The following DLGAP2 variants were observed in gnomAD, a reference collection of about 807,000 sequenced individuals.
DLGAP2 encodes the protein disks large-associated protein 2.
A neutral mutation model predicts 100.3 loss-of-function variants in DLGAP2; 26 were observed. The ratio of observed to expected loss-of-function variants is 0.26; its 90% CI spans 0.19 to 0.36. The LOEUF (loss-of-function observed/expected upper bound fraction) is 0.36. Among genes scored for constraint, DLGAP2 ranks in the 10% least tolerant of loss-of-function variants. DLGAP2 has a pLI of 1.00. For synonymous variants in DLGAP2, 886 were observed against 630.1 expected (o/e 1.41, Z -6.08); for missense variants, 1,858 against 1,453.2 (o/e 1.28, Z -4.53).
At chr8:1,497,286 T>G (rs544149791) in intron 3 of DLGAP2, among the ~76,000 whole-genome samples, 51 of 152,330 alleles carry the variant, frequency 3.3e-4, no homozygotes, top group African/African-American at 1.2e-3. Flanking sequence ...ACAGCACCGA[T>G]CAGCCTCACA....
chr8:862,381 C>T (rs571720910), intron 1 of DLGAP2, among the ~76,000 whole-genome samples: 66 of 151,778 alleles, frequency 4.3e-4, no homozygotes, highest in African/African-American at 1.1e-3. Context: ...CAGCTCACTG[C>T]GGCCTCCGCC....
At chr8:1,115,148 A>G (rs1378810794) in intron 2 of DLGAP2, among the ~76,000 whole-genome samples, 1 of 152,248 alleles carries the variant, frequency 6.6e-6, no homozygotes, top group Non-Finnish European at 1.5e-5. Context: ...TGTGGCAATA[A>G]GAAGAATGTG....
chr8:1,060,655 C>T (rs369782283), intron 2 of DLGAP2, among the ~76,000 whole-genome samples: 1 of 152,210 alleles, frequency 6.6e-6, no homozygotes, highest in Non-Finnish European at 1.5e-5. Flanking sequence ...CTGAAGATCC[C>T]AGTGGCCCTA....
At chr8:891,129 A>ACCCCCC (rs143905782) in intron 1 of DLGAP2, 1 of 120,130 alleles carries the variant, frequency 8.3e-6, no homozygotes, top group African/African-American at 3.1e-5. Flanking sequence ...TAAATAAGGC[A>ACCCCCC]CCCCCCCCCC....
intron 1 of DLGAP2, among the ~76,000 whole-genome samples, chr8:808,864 A>G (rs1001873629): frequency 4.0e-5 from 6 of 150,734 alleles, no homozygotes; most frequent in African/African-American, 1.5e-4. Context: ...ACCCTTAGGT[A>G]CTTAGTACCT....
rs774521379 is a variant in DLGAP2, at chr8:1,701,510, T to C, written c.*104T>C. 5.7e-6 allele frequency: 7 copies of C among 1,230,154 alleles called. 2 individuals are homozygous for C. In the South Asian group the frequency reaches 1.1e-4, roughly 19 times the overall value. 76.2% of individuals were successfully genotyped at this position (1,230,154 alleles called of 1,614,324 possible). ...CTGTCTCCTCCTCCCGCTGAACACG[T>C]CCTCGCTCCCGCGCTCCCCGCGCCC... On this transcript the variant is annotated 3_prime_UTR_variant, in exon 15 of 15. Transcript: ENST00000637795.
chr8:1,142,377 T>C (rs1585098886), intron 2 of DLGAP2, among the ~76,000 whole-genome samples: 1 of 152,204 alleles, frequency 6.6e-6, no homozygotes. Context: ...GTTGATAGGC[T>C]TAGCATATCC....
chr8:1,426,908 C>A (rs1214220501), intron 3 of DLGAP2, among the ~76,000 whole-genome samples: 1 of 151,940 alleles, frequency 6.6e-6, no homozygotes, highest in African/African-American at 2.4e-5. Context: ...AAAAAAATAA[C>A]AACAGAAGAT....
intron 2 of DLGAP2, among the ~76,000 whole-genome samples, chr8:988,034 G>T (rs1219211338): frequency 6.6e-6 from 1 of 152,130 alleles, no homozygotes; most frequent in Non-Finnish European, 1.5e-5. Context: ...TCCTCCATGT[G>T]CACCTGACTG....
At chr8:1,497,977 A>G (rs936404057) in intron 3 of DLGAP2, among the ~76,000 whole-genome samples, 1 of 152,210 alleles carries the variant, frequency 6.6e-6, no homozygotes, top group Admixed American at 6.5e-5. Flanking sequence ...GTCAAGATAC[A>G]GCTTTTGGTT....
At chr8:1,105,639 GGGAGCCATTCT>G (rs1804732952) in intron 2 of DLGAP2, among the ~76,000 whole-genome samples, 1 of 149,402 alleles carries the variant, frequency 6.7e-6, no homozygotes. Context: ...TTTTACTGAA[GGGAGCCATTCT>G]AGGAGGGTTT....
intron 1 of DLGAP2, among the ~76,000 whole-genome samples, chr8:895,262 C>T (rs1006972930): frequency 6.6e-6 from 1 of 152,080 alleles, no homozygotes; most frequent in African/African-American, 2.4e-5. Context: ...AGGACGGATA[C>T]ATCATATCGG....
chr8:1,210,185 C>T (rs1418102370), intron 2 of DLGAP2, among the ~76,000 whole-genome samples: 2 of 152,114 alleles, frequency 1.3e-5, no homozygotes, highest in Non-Finnish European at 2.9e-5. Flanking sequence ...GTGGAGTGGG[C>T]TCTGCTGGGC....
intron 3 of DLGAP2, among the ~76,000 whole-genome samples, chr8:1,435,269 T>G (rs1279755706): frequency 6.6e-6 from 1 of 152,220 alleles, no homozygotes; most frequent in Admixed American, 6.5e-5. Flanking sequence ...TTTGTAAGAA[T>G]AAATGTGAGT....
At chr8:1,505,643 A>G (rs564586111) in intron 4 of DLGAP2, among the ~76,000 whole-genome samples, 34 of 152,380 alleles carry the variant, frequency 2.2e-4, no homozygotes, top group African/African-American at 7.7e-4. Flanking sequence ...AAAGTCACTG[A>G]TAAAATGAAT....
chr8:1,382,050 C>T (rs1796109005), intron 3 of DLGAP2, among the ~76,000 whole-genome samples: 1 of 152,106 alleles, frequency 6.6e-6, no homozygotes, highest in Admixed American at 6.5e-5. Flanking sequence ...TAGCAACCCC[C>T]TCATGCAGTC....
intron 2 of DLGAP2, among the ~76,000 whole-genome samples, chr8:1,139,284 A>G (rs1341791442): frequency 2.0e-5 from 3 of 152,178 alleles, no homozygotes; most frequent in Non-Finnish European, 4.4e-5. Flanking sequence ...TATCTTACAA[A>G]ATCAGGTCAG....
At chr8:775,566 T>C (rs1281981455) in intron 1 of DLGAP2, among the ~76,000 whole-genome samples, 1 of 114,156 alleles carries the variant, frequency 8.8e-6, no homozygotes, top group Non-Finnish European at 1.8e-5. Flanking sequence ...TGAAGCGTTG[T>C]TGAATTTTGT....
intron 3 of DLGAP2, among the ~76,000 whole-genome samples, chr8:1,381,813 GTGTGTGTGTGTT>G (rs1031225535): frequency 2.1e-5 from 3 of 145,350 alleles, no homozygotes; most frequent in African/African-American, 4.9e-5. Flanking sequence ...GTGTGTGTGT[GTGTGTGTGTGTT>G]TGTATCACAT....
Sources: gnomAD v4.1 joint callset for allele counts (sites outside exome capture counted in the v4.1 genomes callset) on GRCh38, gnomAD v4.1.1 for gene constraint, MANE v1.5 for transcripts, NCBI Gene and HGNC (gene_info 2026-07-23, HGNC 2026-07-21) for gene names.